H2BC18: variants seen among roughly 807,000 people sequenced by gnomAD.
H2BC18 encodes H2B clustered histone 18.
In H2BC18, 8 loss-of-function variants were observed where a neutral mutation model predicts 6.3. That is an observed-to-expected ratio of 1.28 (90% CI 0.75 to 2.31). H2BC18 has a LOEUF of 2.31. Among genes scored for constraint, H2BC18 ranks in the 30% most tolerant of loss-of-function variants. The pLI is 0.00. For missense variants in H2BC18, 106 were observed against 174.5 expected, an observed-to-expected ratio of 0.61 and a Z score of 2.21; for synonymous variants, 104 against 78.1, an observed-to-expected ratio of 1.33 and a Z score of -1.75.
downstream of H2BC18, among the ~76,000 whole-genome samples, chr1:149,806,951 G>A (rs1474506884): frequency 6.6e-6 from 1 of 152,094 alleles, no homozygotes; most frequent in Admixed American, 6.5e-5. Context: ...TTGAGGAGGA[G>A]TATGGGAATG....
At chr1:149,811,122 A>T (rs2091967750), downstream of H2BC18, 1 of 152,244 alleles carries the variant, frequency 6.6e-6, no homozygotes, top group Non-Finnish European at 1.5e-5. Flanking sequence ...AAGGTTAGGG[A>T]TGTCTTTGGG....
downstream of H2BC18, among the ~76,000 whole-genome samples, chr1:149,809,874 A>C (rs1358624873): frequency 6.6e-6 from 1 of 150,714 alleles, no homozygotes; most frequent in East Asian, 1.9e-4. Context: ...AAAACTCAGA[A>C]CAATGTAACA....
chr1:149,811,768 G>C (rs1468841015), downstream of H2BC18: 3 of 678,782 alleles, frequency 4.4e-6, no homozygotes, highest in Non-Finnish European at 5.1e-6. Flanking sequence ...AGGACTACAG[G>C]AAACTCCTTA....
At chr1:149,810,300 A>G (rs1336665247), downstream of H2BC18, 4 of 151,818 alleles carry the variant, frequency 2.6e-5, no homozygotes, top group Non-Finnish European at 4.4e-5. Context: ...CTTTCAACGG[A>G]AATTTTGGAT....
At chr1:149,804,785 C>T (rs2091902793) in intron 1 of H2BC18, among the ~76,000 whole-genome samples, 1 of 151,940 alleles carries the variant, frequency 6.6e-6, no homozygotes, top group African/African-American at 2.4e-5. Context: ...GTTTATTTAT[C>T]ACAACAAGTA....
downstream of H2BC18, chr1:149,811,822 C>T (rs1175149753): frequency 3.7e-5 from 33 of 889,712 alleles, no homozygotes; most frequent in East Asian, 1.8e-4. Flanking sequence ...ACACTCCCTA[C>T]CTGACCAAAA....
intron 1 of H2BC18, among the ~76,000 whole-genome samples, chr1:149,801,001 G>A (rs1559752949): frequency 6.6e-6 from 1 of 152,194 alleles, no homozygotes; most frequent in Non-Finnish European, 1.5e-5. Context: ...TGGGAGGAGA[G>A]CTTGAGCCCA....
chr1:149,793,750 A>G (rs1238845433), intron 1 of H2BC18, among the ~76,000 whole-genome samples: 6 of 151,678 alleles, frequency 4.0e-5, no homozygotes, highest in Non-Finnish European at 5.9e-5. Flanking sequence ...CAGGCTGGGT[A>G]TGGAGACCTC....
chr1:149,798,698 A>T (rs1431759238), intron 1 of H2BC18, among the ~76,000 whole-genome samples: 10 of 151,480 alleles, frequency 6.6e-5, no homozygotes, highest in Non-Finnish European at 1.5e-4. Flanking sequence ...TGCAGCCTTG[A>T]CCTCCTAGGC....
At chr1:149,803,318 AT>A (rs1390828083) in intron 1 of H2BC18, among the ~76,000 whole-genome samples, 8 of 152,122 alleles carry the variant, frequency 5.3e-5, no homozygotes, top group Admixed American at 5.2e-4. Context: ...GGTATATTCT[AT>A]TCCTAGGTGT....
At chr1:149,807,528 G>A (rs1325960227), downstream of H2BC18, among the ~76,000 whole-genome samples, 1 of 16,196 alleles carries the variant, frequency 6.2e-5, no homozygotes, top group Non-Finnish European at 1.2e-4. Context: ...GGGGGGGGGC[G>A]GGCATGGTGG....
intron 1 of H2BC18, among the ~76,000 whole-genome samples, chr1:149,799,844 A>G (rs1372730989): frequency 1.3e-5 from 2 of 152,180 alleles, no homozygotes; most frequent in African/African-American, 4.8e-5. Flanking sequence ...CTGTGCTTTC[A>G]CACTACAACA....
intron 1 of H2BC18, chr1:149,805,577 T>G (rs2091909793): frequency 6.6e-6 from 1 of 152,146 alleles, no homozygotes; most frequent in African/African-American, 2.4e-5. Flanking sequence ...GGCAAAAGAT[T>G]TCAAACTCAA....
intron 1 of H2BC18, among the ~76,000 whole-genome samples, chr1:149,806,284 T>C (rs1284764741): frequency 3.3e-5 from 5 of 152,122 alleles, no homozygotes; most frequent in Admixed American, 1.3e-4. Flanking sequence ...AGATGGTATA[T>C]GGAGAATAAT....
intron 1 of H2BC18, among the ~76,000 whole-genome samples, chr1:149,793,631 T>C (rs2091765358): frequency 6.6e-6 from 1 of 151,820 alleles, no homozygotes; most frequent in Non-Finnish European, 1.5e-5. Flanking sequence ...GGGCCCATCC[T>C]TCAATCCGAG....
At chr1:149,793,062 G>A (rs2091752098) in intron 1 of H2BC18, 1 of 1,264,978 alleles carries the variant, frequency 7.9e-7, no homozygotes. Context: ...GGCGCCACCT[G>A]GCGGCCGTCT....
chr1:149,799,929 A>T (rs2091847352), intron 1 of H2BC18, among the ~76,000 whole-genome samples: 1 of 152,144 alleles, frequency 6.6e-6, no homozygotes. Context: ...AGTGGACACC[A>T]GCTGAGTGTA....
chr1:149,791,120 T>C, intron 1 of H2BC18: 1 of 1,451,378 alleles, frequency 6.9e-7, no homozygotes, highest in Non-Finnish European at 9.4e-7. Flanking sequence ...AAATGACCAG[T>C]GCCTCCCTGA....
chr1:149,790,016 A>C, intron 1 of H2BC18: 1 of 1,611,782 alleles, frequency 6.2e-7, no homozygotes, highest in Non-Finnish European at 8.5e-7. Flanking sequence ...CCTGGATGCT[A>C]AACAGGCAAC....
Sources: gnomAD v4.1 joint callset for allele counts (sites outside exome capture counted in the v4.1 genomes callset) on GRCh38, gnomAD v4.1.1 for gene constraint, MANE v1.5 for transcripts, NCBI Gene and HGNC (gene_info 2026-07-23, HGNC 2026-07-21) for gene names.